ADARB2: variants seen among roughly 807,000 people sequenced by gnomAD.
ADARB2 encodes adenosine deaminase RNA specific B2 (inactive), also known as inactive double-stranded RNA-specific editase B2.
A neutral mutation model predicts 62.2 loss-of-function variants in ADARB2; 25 were observed. The ratio of observed to expected loss-of-function variants is 0.40; its 90% CI spans 0.29 to 0.56. ADARB2 has a LOEUF of 0.56. Among genes scored for constraint, ADARB2 ranks in the 20% least tolerant of loss-of-function variants. ADARB2 has a pLI of 0.43. For missense variants in ADARB2, 1,071 were observed against 1,077.4 expected (o/e 0.99, Z 0.08); for synonymous variants, 572 against 500.8 (o/e 1.14, Z -1.90).
At chr10:1,264,720 A>G (rs1343228224) in intron 4 of ADARB2, among the ~76,000 whole-genome samples, 1 of 152,174 alleles carries the variant, frequency 6.6e-6, no homozygotes, top group Non-Finnish European at 1.5e-5. Flanking sequence ...TTTTCCTAAT[A>G]AGAGAGGCCG....
chr10:1,713,787 C>A (rs1216131992), intron 1 of ADARB2, among the ~76,000 whole-genome samples: 1 of 152,150 alleles, frequency 6.6e-6, no homozygotes, highest in Non-Finnish European at 1.5e-5. Context: ...CACTTTAAAG[C>A]AAATTGTCAA....
chr10:1,233,589 C>T, intron 6 of ADARB2, 105 bp downstream of exon 6: 1 of 1,268,356 alleles, frequency 7.9e-7, no homozygotes, highest in Admixed American at 2.8e-5. Flanking sequence ...CCAAGGGCCC[C>T]ACACACCGCG....
intron 1 of ADARB2, among the ~76,000 whole-genome samples, chr10:1,629,212 A>G (rs927181079): frequency 1.3e-5 from 2 of 152,108 alleles, no homozygotes; most frequent in African/African-American, 4.8e-5. Context: ...TTGTTTAGAC[A>G]AGAAAACTAA....
intron 3 of ADARB2, among the ~76,000 whole-genome samples, chr10:1,336,832 T>C (rs1831978356): frequency 6.6e-6 from 1 of 152,142 alleles, no homozygotes; most frequent in Non-Finnish European, 1.5e-5. Context: ...CTCATTTCTT[T>C]CCATCGTCGT....
chr10:1,247,108 G>A (rs1422592023), intron 4 of ADARB2, among the ~76,000 whole-genome samples: 7 of 152,162 alleles, frequency 4.6e-5, no homozygotes, highest in Non-Finnish European at 7.3e-5. Context: ...GTGAAAGGGA[G>A]TTCACTCATG....
At chr10:1,499,079 A>G (rs1021927452) in intron 1 of ADARB2, among the ~76,000 whole-genome samples, 1 of 151,312 alleles carries the variant, frequency 6.6e-6, no homozygotes, top group African/African-American at 2.4e-5. Flanking sequence ...TTCATTAATC[A>G]TTCAGTCATT....
chr10:1,368,174 C>T (rs554512745), intron 2 of ADARB2, among the ~76,000 whole-genome samples: 39 of 146,848 alleles, frequency 2.7e-4, no homozygotes, highest in Admixed American at 8.2e-4. Context: ...TCTGCTCCAT[C>T]GTCCAGGGGT....
At chr10:1,270,158 C>A (rs559623117) in intron 4 of ADARB2, among the ~76,000 whole-genome samples, 17 of 152,282 alleles carry the variant, frequency 1.1e-4, no homozygotes, top group African/African-American at 3.8e-4. Flanking sequence ...GCTGGCCCAG[C>A]GTGGCTGAGA....
At chr10:1,375,750 C>T (rs1564273397) in intron 2 of ADARB2, among the ~76,000 whole-genome samples, 1 of 152,200 alleles carries the variant, frequency 6.6e-6, no homozygotes. Context: ...GATTCACACG[C>T]CACACACATG....
intron 1 of ADARB2, among the ~76,000 whole-genome samples, chr10:1,421,564 G>C (rs943797886): frequency 8.6e-5 from 13 of 152,008 alleles, no homozygotes; most frequent in Admixed American, 4.6e-4. Flanking sequence ...ACACTATCCT[G>C]GGCCCTGGGA....
At chr10:1,543,888 C>A (rs1832475916) in intron 1 of ADARB2, among the ~76,000 whole-genome samples, 1 of 150,932 alleles carries the variant, frequency 6.6e-6, no homozygotes, top group Non-Finnish European at 1.5e-5. Context: ...TTCATCCCAT[C>A]AAGTCAATTT....
At chr10:1,543,893 C>G (rs949636322) in intron 1 of ADARB2, among the ~76,000 whole-genome samples, 1 of 150,168 alleles carries the variant, frequency 6.7e-6, no homozygotes, top group South Asian at 2.1e-4. Flanking sequence ...CCCATCAAGT[C>G]AATTTTGTCT....
At chr10:1,572,860 T>C (rs1375719786) in intron 1 of ADARB2, among the ~76,000 whole-genome samples, 1 of 152,200 alleles carries the variant, frequency 6.6e-6, no homozygotes, top group Non-Finnish European at 1.5e-5. Context: ...ATGCTCCTAG[T>C]GCTCTTCTGC....
intron 1 of ADARB2, among the ~76,000 whole-genome samples, chr10:1,547,040 C>A (rs1018967465): frequency 2.0e-5 from 3 of 152,172 alleles, no homozygotes; most frequent in Admixed American, 6.5e-5. Context: ...AGCCATTCGT[C>A]GAGAGCGGGA....
chr10:1,531,948 TTC>T (rs1386565558), intron 1 of ADARB2, among the ~76,000 whole-genome samples: 1 of 152,220 alleles, frequency 6.6e-6, no homozygotes, highest in East Asian at 1.9e-4. Flanking sequence ...TCCTCCGGCA[TTC>T]TGTGTATTTT....
chr10:1,235,026 C>T (rs575070555), intron 5 of ADARB2, among the ~76,000 whole-genome samples: 59 of 152,244 alleles, frequency 3.9e-4, no homozygotes, highest in African/African-American at 9.6e-4. Context: ...GGATTACAGG[C>T]GAGAGCCACC....
chr10:1,698,874 C>A (rs1218348696), intron 1 of ADARB2, among the ~76,000 whole-genome samples: 1 of 152,220 alleles, frequency 6.6e-6, no homozygotes, highest in Non-Finnish European at 1.5e-5. Context: ...GTTCTCCCTG[C>A]CTCAGCCTCC....
intron 1 of ADARB2, among the ~76,000 whole-genome samples, chr10:1,549,240 G>A (rs1473293508): frequency 5.3e-5 from 8 of 151,834 alleles, no homozygotes; most frequent in Non-Finnish European, 1.2e-4. Flanking sequence ...ATTGAAAGGC[G>A]GAGTGGGGTG....
chr10:1,526,474 TC>T (rs1391512576), intron 1 of ADARB2, among the ~76,000 whole-genome samples: 3 of 152,118 alleles, frequency 2.0e-5, no homozygotes, highest in African/African-American at 7.2e-5. Context: ...CTCACGATTA[TC>T]TTGGTGCTGT....
Sources: gnomAD v4.1 joint callset for allele counts (sites outside exome capture counted in the v4.1 genomes callset) on GRCh38, gnomAD v4.1.1 for gene constraint, MANE v1.5 for transcripts, NCBI Gene and HGNC (gene_info 2026-07-23, HGNC 2026-07-21) for gene names.